USH2A: variants seen among roughly 807,000 people sequenced by gnomAD.
The protein encoded by USH2A is Usher syndrome 2A (autosomal recessive, mild).
A neutral mutation model predicts 538.9 loss-of-function variants in USH2A; 443 were observed. The observed-to-expected ratio is 0.82, with a 90% CI of 0.76 to 0.89. The LOEUF (loss-of-function observed/expected upper bound fraction) is 0.89. USH2A is among the 40% of genes least tolerant of loss of function. The pLI, the probability that USH2A is intolerant of heterozygous loss-of-function variation, is 0.00. For synonymous variants in USH2A, 2,413 were observed against 2,273.5 expected (o/e 1.06, Z -1.75); for missense variants, 6,633 against 6,324.8 (o/e 1.05, Z -1.65).
At chr1:216,285,762 T>C (rs533866571) in intron 11 of USH2A, among the ~76,000 whole-genome samples, 1 of 152,326 alleles carries the variant, frequency 6.6e-6, no homozygotes, top group South Asian at 2.1e-4. Context: ...CTGTGGGAGC[T>C]ACCTCTTGCA....
chr1:215,640,840 C>CAAA, intron 67 of USH2A, 106 bp from the exon 68 acceptor site: 4 of 715,318 alleles, frequency 5.6e-6, no homozygotes, highest in South Asian at 5.1e-5. Context: ...CGAACCAATC[C>CAAA]AAACAAAAAA....
chr1:215,909,397 C>T (rs766577099), intron 38 of USH2A, among the ~76,000 whole-genome samples: 5 of 151,726 alleles, frequency 3.3e-5, no homozygotes, highest in African/African-American at 9.7e-5. Context: ...TAGCCTAAAG[C>T]CATAGGATGT....
intron 11 of USH2A, among the ~76,000 whole-genome samples, chr1:216,282,141 TA>T (rs1169851869): frequency 6.6e-6 from 1 of 152,140 alleles, no homozygotes; most frequent in Non-Finnish European, 1.5e-5. Flanking sequence ...TTTTCTTCAT[TA>T]TTACAGATTT....
At chr1:216,107,330 A>T (rs2032757705) in intron 21 of USH2A, among the ~76,000 whole-genome samples, 1 of 151,856 alleles carries the variant, frequency 6.6e-6, no homozygotes, top group Non-Finnish European at 1.5e-5. Context: ...ATATAAGCAC[A>T]TTTAGGATAA....
At position 215,786,735 on chromosome 1, in the gene USH2A, T is replaced by C. The variant is rs753177276; in HGVS notation, c.10322A>G (p.Glu3441Gly). 52 of 1,613,886 alleles carry C rather than the reference T, an allele frequency of 3.2e-5. No individual in the cohort carries two copies. Among genetic ancestry groups the C allele is most frequent in the Non-Finnish European group, 4.2e-5 (49 of 1,179,944 alleles). The change falls in exon 52 of 72, where the codon GAA becomes GGA. Residue 3441 changes from glutamate (E) to glycine (G), a missense_variant. Glu to Gly is a moderately conservative substitution (Grantham distance 98). Coordinates refer to ENST00000307340, the MANE Select transcript of USH2A (RefSeq NM_206933.4). ...TTCTTCGGCAGATGAACACATTTCT[T>C]CAATTGATGCCTTCCCTGTGGAATT... is the stretch of plus-strand genomic sequence containing the variant. ...SHNSTGKASIEEMCSSAEETI... is the reference protein window; with the variant it reads ...SHNSTGKASIGEMCSSAEETI...
intron 35 of USH2A, among the ~76,000 whole-genome samples, chr1:215,973,808 G>A (rs1444943578): frequency 6.6e-6 from 1 of 151,938 alleles, no homozygotes; most frequent in Non-Finnish European, 1.5e-5. Context: ...TGAATACATG[G>A]CAAATAAGCT....
At chr1:216,235,414 T>C (rs989038819) in intron 13 of USH2A, among the ~76,000 whole-genome samples, 2 of 152,196 alleles carry the variant, frequency 1.3e-5, no homozygotes, top group Non-Finnish European at 2.9e-5. Context: ...AGAGTTCACA[T>C]ATACATGGTC....
intron 21 of USH2A, among the ~76,000 whole-genome samples, chr1:216,102,389 T>C (rs2032603538): frequency 6.7e-6 from 1 of 149,386 alleles, no homozygotes; most frequent in African/African-American, 2.4e-5. Flanking sequence ...TAATATTAAA[T>C]TAAAAAGTAA....
intron 49 of USH2A, among the ~76,000 whole-genome samples, chr1:215,802,311 A>C (rs1662360067): frequency 6.6e-6 from 1 of 152,052 alleles, no homozygotes; most frequent in African/African-American, 2.4e-5. Context: ...ATCAAAGAAC[A>C]CTGTCAACAA....
chr1:215,824,270 G>A (rs988786274), intron 47 of USH2A, among the ~76,000 whole-genome samples: 1 of 152,038 alleles, frequency 6.6e-6, no homozygotes, highest in Non-Finnish European at 1.5e-5. Context: ...TGAAGGATTA[G>A]TTATTTATTG....
chr1:216,138,036 G>A (rs1242181783), intron 21 of USH2A, among the ~76,000 whole-genome samples: 1 of 151,956 alleles, frequency 6.6e-6, no homozygotes, highest in Non-Finnish European at 1.5e-5. Context: ...ATTGTATAAA[G>A]TTTTCTTTAA....
chr1:215,626,063 ATGAACTATAGAC>A (rs1402343260), intron 71 of USH2A, among the ~76,000 whole-genome samples, 193 bp from the exon 72 acceptor site: 2 of 152,006 alleles, frequency 1.3e-5, no homozygotes, highest in African/African-American at 4.8e-5. Context: ...ACATGCACAC[ATGAACTATAGAC>A]TAATTCAAAA....
At chr1:215,628,788 G>T (rs760424897) in intron 71 of USH2A, 26 bp downstream of exon 71, 1 of 1,610,702 alleles carries the variant, frequency 6.2e-7, no homozygotes, top group Non-Finnish European at 8.5e-7. Flanking sequence ...ATTTAGCAAA[G>T]GCCCTGTATG....
At chr1:215,740,808 A>G (rs1254389166) in intron 60 of USH2A, among the ~76,000 whole-genome samples, 1 of 152,170 alleles carries the variant, frequency 6.6e-6, no homozygotes, top group Non-Finnish European at 1.5e-5. Context: ...GTACGGTTTC[A>G]AGATGAAATT....
chr1:216,185,201 G>A (rs982192303), intron 20 of USH2A, among the ~76,000 whole-genome samples: 1 of 151,884 alleles, frequency 6.6e-6, no homozygotes, highest in Non-Finnish European at 1.5e-5. Context: ...GGAGAGAGAT[G>A]CAGCTGCTCC....
intron 67 of USH2A, among the ~76,000 whole-genome samples, chr1:215,641,439 C>T (rs1424136075): frequency 6.6e-6 from 1 of 152,240 alleles, no homozygotes; most frequent in Non-Finnish European, 1.5e-5. Flanking sequence ...ATAGAAGCAA[C>T]TTTGTGTGCA....
At chr1:216,146,772 T>C (rs2033715507) in intron 21 of USH2A, among the ~76,000 whole-genome samples, 1 of 152,078 alleles carries the variant, frequency 6.6e-6, no homozygotes, top group Non-Finnish European at 1.5e-5. Context: ...CTCTATGCTC[T>C]CTTTTCTCAG....
At chr1:216,234,989 C>G (rs549777092) in intron 13 of USH2A, among the ~76,000 whole-genome samples, 2 of 152,206 alleles carry the variant, frequency 1.3e-5, no homozygotes, top group Admixed American at 1.3e-4. Context: ...CTCTCAGGAG[C>G]CTGATTATAA....
At chr1:215,923,679 C>T (rs2102490435) in intron 38 of USH2A, among the ~76,000 whole-genome samples, 1 of 152,098 alleles carries the variant, frequency 6.6e-6, no homozygotes, top group East Asian at 1.9e-4. Context: ...GGAGCCCTGT[C>T]ATCAAAAGAA....
Sources: gnomAD v4.1 joint callset for allele counts (sites outside exome capture counted in the v4.1 genomes callset) on GRCh38, gnomAD v4.1.1 for gene constraint, MANE v1.5 for transcripts, NCBI Gene and HGNC (gene_info 2026-07-23, HGNC 2026-07-21) for gene names.